The following COG7 variants were observed in gnomAD, a reference collection of about 807,000 sequenced individuals.
COG7 encodes the protein component of oligomeric golgi complex 7, also known as conserved oligomeric Golgi complex subunit 7.
A neutral mutation model predicts 91.5 loss-of-function variants in COG7; 49 were observed. That is an observed-to-expected ratio of 0.54 (90% CI 0.43 to 0.68). The LOEUF (loss-of-function observed/expected upper bound fraction) is 0.68, where lower values mean the gene tolerates loss of function less well. COG7 is among the 30% of genes least tolerant of loss of function. The probability of loss-of-function intolerance (pLI) is 0.00; values close to 1 mark genes in which losing one functional copy is unlikely to be tolerated. For missense variants in COG7, 895 were observed against 961.3 expected (o/e 0.93, Z 0.91); for synonymous variants, 365 against 388.7 (o/e 0.94, Z 0.72).
intron 6 of COG7, among the ~76,000 whole-genome samples, chr16:23,429,092 T>C (rs1170176290): frequency 6.6e-6 from 1 of 152,014 alleles, no homozygotes; most frequent in Admixed American, 6.6e-5. Context: ...CAGGCTCAGG[T>C]GATCCTCCCA....
At chr16:23,443,318 G>A (rs1177366167) in intron 3 of COG7, among the ~76,000 whole-genome samples, 2 of 152,190 alleles carry the variant, frequency 1.3e-5, no homozygotes, top group Non-Finnish European at 2.9e-5. Context: ...GGCTGAGGCA[G>A]GAGGATTGCA....
chr16:23,413,116 C>T (rs1963593081), intron 10 of COG7: 17 of 325,334 alleles, frequency 5.2e-5, no homozygotes, highest in South Asian at 4.1e-4. Flanking sequence ...ATACATAAGC[C>T]CTAAGTTATT....
At position 23,426,834 on chromosome 16, in the gene COG7, A is replaced by AAAAAAG. The variant is rs1555495229; in HGVS notation, c.811-1888_811-1887insCTTTTT. 3.8e-3 allele frequency among the ~76,000 whole-genome samples: 558 copies of AAAAAAG among 145,982 alleles called. 4 individuals carry two copies. The highest frequency in any genetic ancestry group is 0.013 in the African/African-American group (526 of 39,122). ...GCAATTGGACAAAAAAAAAAAAAAA[A>AAAAAAG]AAAGAAAGAAAGAAAGAAAGAAAGA... On this transcript the variant is annotated intron_variant, in intron 6 of 16. Transcript: ENST00000307149.
chr16:23,399,350 A>G (rs1313400019), intron 13 of COG7, among the ~76,000 whole-genome samples: 1 of 152,146 alleles, frequency 6.6e-6, no homozygotes, highest in Non-Finnish European at 1.5e-5. Flanking sequence ...AAAAGAGCCT[A>G]CATTTTTTCC....
chr16:23,429,665 G>A (rs1243165708), intron 6 of COG7, among the ~76,000 whole-genome samples: 1 of 152,116 alleles, frequency 6.6e-6, no homozygotes, highest in Admixed American at 6.6e-5. Flanking sequence ...TCATGGGGCT[G>A]AGGCAGGACA....
intron 4 of COG7, among the ~76,000 whole-genome samples, chr16:23,438,345 G>T (rs890132607): frequency 9.9e-5 from 15 of 152,256 alleles, no homozygotes; most frequent in South Asian, 4.1e-4. Context: ...GATTGTTTGA[G>T]TCCAGGAGTC....
chr16:23,427,960 G>C (rs1963874662), intron 6 of COG7, among the ~76,000 whole-genome samples: 1 of 152,120 alleles, frequency 6.6e-6, no homozygotes, highest in Non-Finnish European at 1.5e-5. Context: ...CAGAGCACTT[G>C]AGGCCAGGAG....
chr16:23,445,250 G>T, intron 2 of COG7, 86 bp from the exon 3 acceptor site: 1 of 927,446 alleles, frequency 1.1e-6, no homozygotes, highest in Non-Finnish European at 1.8e-6. Context: ...AAGTATGGTG[G>T]CTTGCTTCTG....
At chr16:23,401,784 G>C (rs141421143) in intron 13 of COG7, among the ~76,000 whole-genome samples, 4 of 152,178 alleles carry the variant, frequency 2.6e-5, no homozygotes, top group African/African-American at 7.2e-5. Flanking sequence ...GACCAGGCTT[G>C]GTGGCTCATG....
chr16:23,434,710 T>C lies in COG7; in HGVS notation c.613A>G (p.Lys205Glu). Residue 205 changes from lysine to glutamate, a missense_variant, in exon 5 of 17, where the codon AAA becomes GAA. Transcript: ENST00000307149. ...TCAGTAAACACCTTCACAAACACTT[T>C]GGACTGATCTAAAGAACATACAATG... Reference protein sequence around the residue: ...AFTSQAVDQSKVFVKVFTEID... With the variant: ...AFTSQAVDQSEVFVKVFTEID... The C allele has an allele frequency of 1.2e-6, 2 of 1,611,202 alleles. No individual in the cohort carries two copies. Among genetic ancestry groups the C allele is most frequent in the South Asian group, 2.2e-5 (2 of 91,022 alleles).
At chr16:23,411,501 C>T (rs1046272681) in intron 10 of COG7, among the ~76,000 whole-genome samples, 1 of 152,200 alleles carries the variant, frequency 6.6e-6, no homozygotes, top group African/African-American at 2.4e-5. Context: ...TAGAACATTA[C>T]ATTTTTTTTA....
intron 10 of COG7, among the ~76,000 whole-genome samples, chr16:23,410,896 G>A (rs936816288): frequency 1.3e-5 from 2 of 151,970 alleles, no homozygotes; most frequent in Admixed American, 1.3e-4. Context: ...TAGTAGAGAC[G>A]GGGTTTCACT....
intron 13 of COG7, among the ~76,000 whole-genome samples, chr16:23,400,543 G>A (rs1367188242): frequency 6.6e-6 from 1 of 152,200 alleles, no homozygotes; most frequent in Non-Finnish European, 1.5e-5. Context: ...CCCAGGAAAG[G>A]CCTCAAAGGG....
chr16:23,402,880 T>C (rs1343038692), intron 13 of COG7, among the ~76,000 whole-genome samples: 1 of 152,220 alleles, frequency 6.6e-6, no homozygotes, highest in Non-Finnish European at 1.5e-5. Context: ...GCAGGAGCCC[T>C]GGACTCCCAG....
At chr16:23,413,608 T>G (rs1386033261) in intron 9 of COG7, 44 bp from the exon 10 acceptor site, 1 of 1,018,120 alleles carries the variant, frequency 9.8e-7, no homozygotes, top group South Asian at 1.3e-5. Context: ...CACCACTGAT[T>G]CCCCAACTCT....
At chr16:23,407,822 T>C (rs1202768220) in intron 11 of COG7, among the ~76,000 whole-genome samples, 1 of 151,978 alleles carries the variant, frequency 6.6e-6, no homozygotes, top group African/African-American at 2.4e-5. Flanking sequence ...TCTGGAAATC[T>C]AGCATAAATT....
intron 12 of COG7, 77 bp downstream of exon 12, chr16:23,405,999 G>A (rs1326530845): frequency 7.2e-7 from 1 of 1,385,246 alleles, no homozygotes; most frequent in Admixed American, 1.7e-5. Flanking sequence ...GGGCCCGCCT[G>A]TAACCCAGAG....
intron 1 of COG7, among the ~76,000 whole-genome samples, chr16:23,450,920 A>G (rs1312964044): frequency 6.6e-6 from 1 of 151,028 alleles, no homozygotes; most frequent in African/African-American, 2.4e-5. Flanking sequence ...CTGGCCGGGC[A>G]CAGTGGCTCA....
At chr16:23,423,924 C>T (rs757087900) in intron 7 of COG7, among the ~76,000 whole-genome samples, 2 of 152,174 alleles carry the variant, frequency 1.3e-5, no homozygotes, top group African/African-American at 2.4e-5. Flanking sequence ...AGTCGGCCAC[C>T]GGGGAAAGCC....
Sources: allele counts gnomAD v4.1 joint callset (sites outside exome capture counted in the v4.1 genomes callset), GRCh38; gene constraint gnomAD v4.1.1; transcripts MANE v1.5; gene names NCBI Gene and HGNC (gene_info 2026-07-23, HGNC 2026-07-21).